Variants in PMM2 observed in about 807,000 individuals in gnomAD.
The protein encoded by PMM2 is phosphomannomutase 2, also known as mannose-6-phosphate isomerase.
PMM2 carries 35 observed loss-of-function variants against 33.2 expected under a neutral mutation model. The observed-to-expected ratio is 1.06, with a 90% CI of 0.81 to 1.40. The LOEUF is 1.40. PMM2 is among the 40% of genes most tolerant of loss of function. The pLI, the probability that PMM2 is intolerant of heterozygous loss-of-function variation, is 0.00. For synonymous variants in PMM2, 153 were observed against 114.7 expected (o/e 1.33, Z -2.13); for missense variants, 386 against 306.0 (o/e 1.26, Z -1.95).
At chr16:8,832,451 C>T in intron 7 of PMM2, 1 of 985,430 alleles carries the variant, frequency 1.0e-6, no homozygotes, top group Non-Finnish European at 1.2e-6. Flanking sequence ...AGACACCTCC[C>T]CACCAGCCCC....
intron 4 of PMM2, chr16:8,809,388 C>G (rs1248456952): frequency 1.3e-5 from 2 of 152,204 alleles, no homozygotes; most frequent in Admixed American, 6.5e-5. Context: ...TGATATCTAG[C>G]TTACAAGTTA....
At chr16:8,835,436 G>T (rs1201958006) in intron 7 of PMM2, among the ~76,000 whole-genome samples, 1 of 152,036 alleles carries the variant, frequency 6.6e-6, no homozygotes, top group Non-Finnish European at 1.5e-5. Flanking sequence ...AGCCTGATGG[G>T]TGTCAGGGTC....
At chr16:8,840,054 A>G (rs749309488) in intron 7 of PMM2, among the ~76,000 whole-genome samples, 1 of 151,764 alleles carries the variant, frequency 6.6e-6, no homozygotes, top group Non-Finnish European at 1.5e-5. Flanking sequence ...GATGTTGCCC[A>G]GTCTGTCTGT....
intron 7 of PMM2, among the ~76,000 whole-genome samples, chr16:8,828,903 C>T (rs2060793445): frequency 6.6e-6 from 1 of 152,210 alleles, no homozygotes; most frequent in Non-Finnish European, 1.5e-5. Flanking sequence ...GACTCCCCCT[C>T]CTAAGTCACT....
rs1285336408 is a variant in PMM2 at position 8,846,556 on chromosome 16, GAC to G, written c.640-1164_640-1163del. Among the ~76,000 whole-genome samples the G allele has an allele frequency of 1.1e-4, 16 of 152,190 alleles. No homozygotes were observed. The South Asian group carries it at 2.7e-3, about 26-fold the overall frequency. On this transcript the variant is annotated intron_variant, in intron 7 of 7. Transcript: ENST00000268261. ...CAGTGGGATTGGTGGGGGTGATGGGGACACAGATGGGAGCACTCAACTCAGGC... is the reference window on the plus strand; with the variant it reads ...CAGTGGGATTGGTGGGGGTGATGGGGACAGATGGGAGCACTCAACTCAGGC...
At chr16:8,825,585 G>A (rs970776811) in intron 7 of PMM2, among the ~76,000 whole-genome samples, 10 of 152,028 alleles carry the variant, frequency 6.6e-5, no homozygotes, top group African/African-American at 2.2e-4. Context: ...CTCCCAAAGC[G>A]CTGGGATTAC....
At chr16:8,821,908 C>T (rs1045409883) in intron 7 of PMM2, among the ~76,000 whole-genome samples, 1 of 152,272 alleles carries the variant, frequency 6.6e-6, no homozygotes. Flanking sequence ...CACTACTGCT[C>T]TACGCCATTT....
chr16:8,804,015 T>G (rs2060630238), intron 2 of PMM2, among the ~76,000 whole-genome samples: 2 of 93,030 alleles, frequency 2.1e-5, no homozygotes, highest in African/African-American at 8.8e-5. Flanking sequence ...TGTTTTTTGT[T>G]TTTTGGGTTT....
At chr16:8,804,918 T>C (rs1329591036) in intron 3 of PMM2, 75 bp downstream of exon 3, 10 of 900,710 alleles carry the variant, frequency 1.1e-5, no homozygotes, top group Non-Finnish European at 1.9e-5. Flanking sequence ...AATGAATGCC[T>C]CTAGGAAGAT....
intron 7 of PMM2, among the ~76,000 whole-genome samples, chr16:8,838,312 G>A (rs1038054254): frequency 6.6e-6 from 1 of 152,104 alleles, no homozygotes; most frequent in African/African-American, 2.4e-5. Context: ...TACTTCTTTT[G>A]TGGATCTTCA....
intron 2 of PMM2, among the ~76,000 whole-genome samples, chr16:8,804,024 T>TTTTTTG (rs1555449067): frequency 2.2e-5 from 2 of 92,092 alleles, no homozygotes; most frequent in African/African-American, 5.0e-5. Context: ...TTTTTTGGGT[T>TTTTTTG]TTTTTTGTTT....
intron 7 of PMM2, among the ~76,000 whole-genome samples, chr16:8,833,463 C>T (rs1041685856): frequency 1.3e-5 from 2 of 152,078 alleles, no homozygotes; most frequent in African/African-American, 4.8e-5. Context: ...GCTCAGAGGC[C>T]TGACATTCCT....
At chr16:8,844,317 G>A (rs868587606) in intron 7 of PMM2, among the ~76,000 whole-genome samples, 3 of 151,982 alleles carry the variant, frequency 2.0e-5, no homozygotes, top group Admixed American at 6.6e-5. Flanking sequence ...AAAAGAGAGC[G>A]TAGAGACATG....
At chr16:8,844,685 G>A (rs2060913437) in intron 7 of PMM2, among the ~76,000 whole-genome samples, 1 of 152,220 alleles carries the variant, frequency 6.6e-6, no homozygotes, top group African/African-American at 2.4e-5. Context: ...AACACCAAGG[G>A]AAGGCTGCCT....
At chr16:8,813,178 G>A (rs962252898) in intron 7 of PMM2, 72 bp downstream of exon 7, 1 of 963,514 alleles carries the variant, frequency 1.0e-6, no homozygotes. Context: ...CAACTGGGCT[G>A]TTTTTCCTGT....
chr16:8,811,986 A>G (rs1487787375), intron 6 of PMM2, among the ~76,000 whole-genome samples: 6 of 152,218 alleles, frequency 3.9e-5, no homozygotes, highest in Non-Finnish European at 8.8e-5. Flanking sequence ...TCCTCTCATC[A>G]AAAGAGGAGC....
chr16:8,819,977 G>A (rs1314801879), intron 7 of PMM2, among the ~76,000 whole-genome samples: 1 of 152,142 alleles, frequency 6.6e-6, no homozygotes, highest in Non-Finnish European at 1.5e-5. Flanking sequence ...TAAGTAAATT[G>A]TGCAACATTT....
chr16:8,804,031 G>GTTTTTTTTTTTTTTTTTTTTTT lies in PMM2; in HGVS notation c.179-716_179-715insTTTTTTTTTTTTTTTTTTTTTT. ...GTTTTTTGTTTTTTGGGTTTTTTTT[G>GTTTTTTTTTTTTTTTTTTTTTT]TTTTTTTTTTTTTTTTTTTTGACGT... On this transcript the variant is annotated intron_variant, in intron 2 of 7. Transcript: ENST00000268261. 7.1e-4 allele frequency among the ~76,000 whole-genome samples: 62 copies of GTTTTTTTTTTTTTTTTTTTTTT among 87,480 alleles called. 1 individual carries two copies. The highest frequency in any genetic ancestry group is 2.6e-3 in the African/African-American group (57 of 21,942). The allele number at this position is 87,480 out of a possible 152,430, so 57.4% of individuals were successfully genotyped here.
intron 7 of PMM2, among the ~76,000 whole-genome samples, chr16:8,846,502 G>A (rs528229982): frequency 6.6e-5 from 10 of 152,252 alleles, no homozygotes; most frequent in East Asian, 1.9e-4. Flanking sequence ...TGCGGGAGCG[G>A]CAGATAACCT....
Sources: gnomAD v4.1 joint callset for allele counts (sites outside exome capture counted in the v4.1 genomes callset) on GRCh38, gnomAD v4.1.1 for gene constraint, MANE v1.5 for transcripts, NCBI Gene and HGNC (gene_info 2026-07-23, HGNC 2026-07-21) for gene names.